The following USP34 variants were observed in gnomAD, a reference collection of about 807,000 sequenced individuals.
The protein encoded by USP34 is ubiquitin carboxyl-terminal hydrolase 34.
In USP34, 70 loss-of-function variants were observed where a neutral mutation model predicts 460.3. The observed-to-expected ratio is 0.15, with a 90% CI of 0.13 to 0.19. The LOEUF is 0.19. Ranked by LOEUF, USP34 falls within the 10% of genes least tolerant of loss-of-function variation. USP34 has a pLI of 1.00. For missense variants in USP34, 3,985 were observed against 4,236.2 expected (o/e 0.94, Z 1.65); for synonymous variants, 1,647 against 1,405.3 (o/e 1.17, Z -3.85).
chr2:61,434,933 G>C (rs1458495474), intron 1 of USP34, among the ~76,000 whole-genome samples: 1 of 152,042 alleles, frequency 6.6e-6, no homozygotes, highest in Non-Finnish European at 1.5e-5. Flanking sequence ...CGATCTTAAG[G>C]AAACTCAGGA....
At position 61,333,923 on chromosome 2, in the gene USP34, A is replaced by T. The variant is rs200085174; in HGVS notation, c.2793T>A (p.Phe931Leu). Reference sequence around the variant, plus strand: ...TATCGTAACTGCTCCCAAACTGCTGAAAAGTACCAAATAGTTTTGGAAGAA... The same window carrying T: ...TATCGTAACTGCTCCCAAACTGCTGTAAAGTACCAAATAGTTTTGGAAGAA... Reference protein sequence around the residue: ...LRLLPKLFGTFQQFGSSYDTH... With the variant: ...LRLLPKLFGTLQQFGSSYDTH... The change falls in exon 19 of 80, where the codon TTT becomes TTA. Residue 931 changes from phenylalanine to leucine, a missense_variant. Around this residue, in one of 14 missense-constraint regions of USP34, gnomAD observed 1,114 missense variants for 1,122.5 expected, o/e 0.99. Transcript: ENST00000398571. The T allele has an allele frequency of 2.9e-5, 47 of 1,597,734 alleles. No homozygotes were observed. Among genetic ancestry groups the T allele is most frequent in the Admixed American group, 8.5e-5 (5 of 58,550 alleles).
chr2:61,240,990 A>G (rs2103857196), intron 53 of USP34, among the ~76,000 whole-genome samples: 1 of 152,272 alleles, frequency 6.6e-6, no homozygotes, highest in African/African-American at 2.4e-5. Flanking sequence ...AAGAAGCAAA[A>G]CATTACTAAC....
intron 11 of USP34, 59 bp from the exon 12 acceptor site, chr2:61,350,448 A>T: frequency 6.3e-7 from 1 of 1,576,876 alleles, no homozygotes; most frequent in Non-Finnish European, 8.6e-7. Context: ...AACAAATTTA[A>T]TATCCTTTTT....
intron 43 of USP34, among the ~76,000 whole-genome samples, chr2:61,263,090 C>T (rs1165249072): frequency 1.3e-5 from 2 of 151,866 alleles, no homozygotes; most frequent in Non-Finnish European, 2.9e-5. Context: ...CTCACTGCAA[C>T]CTCCGCCTCC....
At chr2:61,469,426 C>A (rs1185523275) in intron 1 of USP34, among the ~76,000 whole-genome samples, 1 of 152,152 alleles carries the variant, frequency 6.6e-6, no homozygotes, top group Non-Finnish European at 1.5e-5. Context: ...CACAAATAAT[C>A]TTAAAATTCT....
rs1319554006 is a variant in USP34, at chr2:61,248,691, A to T, written c.6222-8T>A. 6.5e-7 allele frequency: 1 copy of T among 1,542,450 alleles called. No homozygotes were observed. The highest frequency in any genetic ancestry group is 1.4e-5 in the African/African-American group (1 of 72,298). ...AATTTCTTAAAACATGCCCTGAGAG[A>T]CAAGAAAAAAATTAATAAAGATTAT... On this transcript the variant is annotated splice_region_variant and splice_polypyrimidine_tract_variant and intron_variant, in intron 48 of 79. Transcript: ENST00000398571.
chr2:61,227,386 G>A (rs1687756890), intron 61 of USP34, among the ~76,000 whole-genome samples, 168 bp from the exon 62 acceptor site: 1 of 152,044 alleles, frequency 6.6e-6, no homozygotes, highest in South Asian at 2.1e-4. Flanking sequence ...CCACATTCAG[G>A]ACAATCTTAG....
chr2:61,376,296 C>T (rs186124881), intron 8 of USP34, among the ~76,000 whole-genome samples: 47 of 151,982 alleles, frequency 3.1e-4, no homozygotes, highest in Admixed American at 7.2e-4. Context: ...CTCCAATTTT[C>T]TCACACTGTA....
At chr2:61,251,978 AC>A (rs1688596920) in intron 48 of USP34, among the ~76,000 whole-genome samples, 1 of 151,828 alleles carries the variant, frequency 6.6e-6, no homozygotes, top group African/African-American at 2.4e-5. Flanking sequence ...AAAAAAAAAA[AC>A]AGCAAACACA....
intron 5 of USP34, 106 bp downstream of exon 5, chr2:61,394,747 A>T: frequency 2.4e-6 from 2 of 837,438 alleles, no homozygotes; most frequent in Non-Finnish European, 3.3e-6. Context: ...AAAAAAAATT[A>T]CACATGCAAA....
intron 1 of USP34, among the ~76,000 whole-genome samples, chr2:61,455,522 C>G (rs1219013540): frequency 1.3e-5 from 2 of 151,866 alleles, no homozygotes; most frequent in African/African-American, 4.8e-5. Context: ...GCCTGTAATC[C>G]CAGGTAACAT....
chr2:61,219,052 G>C (rs187838763), intron 67 of USP34, among the ~76,000 whole-genome samples: 2 of 152,028 alleles, frequency 1.3e-5, no homozygotes, highest in Admixed American at 1.3e-4. Context: ...CTTTTGTATG[G>C]GAGATTTGTT....
chr2:61,319,346 T>C lies in USP34; in HGVS notation c.3014-19A>G. On this transcript the variant is annotated intron_variant, in intron 21 of 79. Transcript: ENST00000398571. ...CTTAACCCTAGATAAAAATTATAAATTTTATACTTTATTAACTACATACAA... is the reference window on the plus strand; with the variant it reads ...CTTAACCCTAGATAAAAATTATAAACTTTATACTTTATTAACTACATACAA... 6.7e-7 allele frequency: 1 copy of C among 1,493,446 alleles called. No homozygotes were observed. The highest frequency in any genetic ancestry group is 8.9e-7 in the Non-Finnish European group (1 of 1,125,504). The allele number at this position is 1,493,446 out of a possible 1,614,324, so 92.5% of individuals were successfully genotyped here.
intron 5 of USP34, among the ~76,000 whole-genome samples, chr2:61,390,935 A>C (rs1367805058): frequency 6.6e-6 from 1 of 151,914 alleles, no homozygotes; most frequent in Non-Finnish European, 1.5e-5. Flanking sequence ...TCTCTACTAA[A>C]AATACAAAAA....
intron 1 of USP34, among the ~76,000 whole-genome samples, chr2:61,453,714 CAA>C (rs1169951643): frequency 6.3e-4 from 20 of 31,916 alleles, no homozygotes; most frequent in South Asian, 1.1e-3. Context: ...CATTCCATCT[CAA>C]AAAAAAAAAA....
In USP34 at chr2:61,394,926, T is replaced by C; in HGVS notation, c.680A>G (p.Asp227Gly). 1 of 1,607,986 alleles carries C rather than the reference T, an allele frequency of 6.2e-7. No homozygotes were observed. Among genetic ancestry groups the C allele is most frequent in the Non-Finnish European group, 8.5e-7 (1 of 1,177,920 alleles). ...TTCAGGAGTTCCATATTCAAAGCAA[T>C]CCTTCATGAGAGAAAGGCCATTTTT... ...CGKNGLSLMK[D>G]CFEYGTPETL... Residue 227 changes from aspartate (D) to glycine (G), a missense_variant, in exon 5 of 80, where the codon GAT becomes GGT. Asp to Gly is a moderately conservative substitution (Grantham distance 94). This residue lies in a region of USP34 where 331 missense variants were observed against 293.7 expected (regional missense o/e 1.13). Coordinates refer to ENST00000398571, the MANE Select transcript of USP34 (RefSeq NM_014709.4).
chr2:61,321,500 A>G (rs753736895), intron 21 of USP34, among the ~76,000 whole-genome samples: 4 of 152,164 alleles, frequency 2.6e-5, no homozygotes, highest in Admixed American at 1.3e-4. Flanking sequence ...AACTATCTCA[A>G]TAAGTATTTC....
intron 10 of USP34, among the ~76,000 whole-genome samples, chr2:61,356,340 T>A (rs1273801960): frequency 6.6e-6 from 1 of 152,038 alleles, no homozygotes; most frequent in African/African-American, 2.4e-5. Context: ...AATACAAAAC[T>A]TAGTCAGGCA....
chr2:61,284,847 C>T (rs1340155441), intron 35 of USP34, 28 bp downstream of exon 35: 3 of 1,552,048 alleles, frequency 1.9e-6, no homozygotes, highest in East Asian at 2.3e-5. Flanking sequence ...TATACATACA[C>T]ACATAAAATA....
Sources: gnomAD v4.1 joint callset for allele counts (sites outside exome capture counted in the v4.1 genomes callset) on GRCh38, gnomAD v4.1.1 for gene constraint, gnomAD v4.1.1 regional missense constraint, MANE v1.5 for transcripts, NCBI Gene and HGNC (gene_info 2026-07-23, HGNC 2026-07-21) for gene names.